The following NPIPB2 variants were observed in gnomAD, a reference collection of about 807,000 sequenced individuals.
NPIPB2 encodes nuclear pore complex interacting protein family member B2.
Under a neutral mutation model 30.8 loss-of-function variants are expected in NPIPB2, and 27 were observed. The observed-to-expected ratio is 0.88, with a 90% CI of 0.65 to 1.21. The LOEUF is 1.21. NPIPB2 is among the 50% of genes most tolerant of loss of function. NPIPB2 has a pLI of 0.00. For synonymous variants in NPIPB2, 147 were observed against 162.0 expected, an observed-to-expected ratio of 0.91 and a Z score of 0.70; for missense variants, 440 against 446.2, an observed-to-expected ratio of 0.99 and a Z score of 0.13.
At chr16:11,946,051 A>G (rs2055005183), upstream of NPIPB2, among the ~76,000 whole-genome samples, 1 of 151,604 alleles carries the variant, frequency 6.6e-6, no homozygotes, top group Non-Finnish European at 1.5e-5. Flanking sequence ...AGAAAAAAAG[A>G]AAGAATGAAA....
chr16:11,927,392 C>T (rs2150904346), exon 8 of NPIPB2: 3 of 931,536 alleles, frequency 3.2e-6, no homozygotes, highest in Middle Eastern at 2.1e-4. Flanking sequence ...AGTGCAATGG[C>T]CTGTTCTCAG....
intron 1 of NPIPB2, among the ~76,000 whole-genome samples, chr16:11,962,899 T>A (rs1210334117): frequency 6.6e-6 from 1 of 152,030 alleles, no homozygotes; most frequent in African/African-American, 2.4e-5. Flanking sequence ...AAATCCTGTC[T>A]GTACTAAAAA....
chr16:11,975,463 T>C (rs1204644863), intron 1 of NPIPB2, among the ~76,000 whole-genome samples: 1 of 151,996 alleles, frequency 6.6e-6, no homozygotes, highest in Non-Finnish European at 1.5e-5. Flanking sequence ...TCACCTTTTC[T>C]ATCTCCACTG....
chr16:11,975,728 C>T (rs1232868175), intron 1 of NPIPB2, among the ~76,000 whole-genome samples: 10 of 151,888 alleles, frequency 6.6e-5, no homozygotes, highest in African/African-American at 1.5e-4. Context: ...GTAGCTGGGA[C>T]TACAGGCGCA....
At chr16:11,951,619 TACACATACACACACACACACAC>T (rs1234329693) in intron 1 of NPIPB2, among the ~76,000 whole-genome samples, 23 of 115,914 alleles carry the variant, frequency 2.0e-4, no homozygotes, top group Admixed American at 1.4e-3. Flanking sequence ...ACACTGCACA[TACACATACACACACACACACAC>T]ACACACACAC....
chr16:11,941,252 C>T (rs2054935070), intron 1 of NPIPB2: 3 of 1,515,784 alleles, frequency 2.0e-6, no homozygotes, highest in Admixed American at 4.1e-5. Context: ...ATGTCCTGGT[C>T]CTTTCAGGGC....
chr16:11,945,508 C>G (rs1190815617), upstream of NPIPB2, among the ~76,000 whole-genome samples: 2 of 151,832 alleles, frequency 1.3e-5, no homozygotes, highest in Middle Eastern at 3.2e-3. Flanking sequence ...ACCCCCATCT[C>G]TACTAAAAAT....
chr16:11,965,383 C>T, intron 1 of NPIPB2: 2 of 1,614,158 alleles, frequency 1.2e-6, no homozygotes, highest in South Asian at 1.1e-5. Context: ...TTGTTGCATG[C>T]TTGCATACCT....
upstream of NPIPB2, among the ~76,000 whole-genome samples, chr16:11,946,308 C>T (rs1252006947): frequency 2.0e-5 from 3 of 150,636 alleles, no homozygotes; most frequent in Non-Finnish European, 4.4e-5. Flanking sequence ...TTGCTTGAAC[C>T]CGGGAGGTGG....
chr16:11,953,089 T>A (rs2055082036), intron 1 of NPIPB2, among the ~76,000 whole-genome samples: 1 of 152,114 alleles, frequency 6.6e-6, no homozygotes, highest in African/African-American at 2.4e-5. Context: ...TCCATCAAAT[T>A]TATTTAACCA....
intron 1 of NPIPB2, among the ~76,000 whole-genome samples, chr16:11,967,353 C>T (rs11570158): frequency 0.02 from 3,049 of 152,204 alleles, 42 homozygotes; most frequent in Non-Finnish European, 0.032. Context: ...GGTGTGGTGG[C>T]ATGGAGCTGT....
At chr16:11,955,102 C>T (rs967801548) in intron 1 of NPIPB2, among the ~76,000 whole-genome samples, 9 of 151,548 alleles carry the variant, frequency 5.9e-5, no homozygotes, top group East Asian at 3.9e-4. Context: ...AGGCTGGGCG[C>T]GGTGGCTCAC....
upstream of NPIPB2, among the ~76,000 whole-genome samples, chr16:11,944,529 G>C (rs1473056025): frequency 6.6e-6 from 1 of 151,390 alleles, no homozygotes; most frequent in Non-Finnish European, 1.5e-5. Context: ...TTGGGAGGCC[G>C]AGGCGGGTGG....
rs375427401 is a variant in NPIPB2 at position 11,971,427 on chromosome 16, G to A, written c.-584+5141C>T. On this transcript the variant is annotated intron_variant, in intron 1 of 5. Transcript: ENST00000538896. ...GTCCAGAAAGGCAGGCCAACTAGAAGCAGGTATGGGGGAGTGGGGTGGTGG... is the reference window on the plus strand; with the variant it reads ...GTCCAGAAAGGCAGGCCAACTAGAAACAGGTATGGGGGAGTGGGGTGGTGG... Among the ~76,000 whole-genome samples, 12 of 140,406 alleles carry A rather than the reference G, an allele frequency of 8.5e-5. No individual in the cohort carries two copies. The South Asian group carries it at 3.0e-3, about 35-fold the overall frequency. The allele number at this position is 140,406 out of a possible 152,430, so 92.1% of individuals were successfully genotyped here.
At chr16:11,975,029 C>T (rs1294411467) in intron 1 of NPIPB2, among the ~76,000 whole-genome samples, 1 of 150,714 alleles carries the variant, frequency 6.6e-6, no homozygotes, top group Admixed American at 6.6e-5. Flanking sequence ...GAGCCAAGAT[C>T]GCGCCACTGC....
chr16:11,955,588 G>A (rs1398578002), intron 1 of NPIPB2, among the ~76,000 whole-genome samples: 2 of 151,540 alleles, frequency 1.3e-5, no homozygotes, highest in South Asian at 2.1e-4. Flanking sequence ...ATGGTGGCAC[G>A]CCCCTTTATT....
chr16:11,946,385 C>CAAA (rs34318693), upstream of NPIPB2, among the ~76,000 whole-genome samples: 1 of 70,100 alleles, frequency 1.4e-5, no homozygotes, highest in Admixed American at 1.9e-4. Flanking sequence ...AACTCTATCT[C>CAAA]AAAAAAAAAA....
At chr16:11,955,729 A>AAAAGG in intron 1 of NPIPB2, among the ~76,000 whole-genome samples, 1 of 56,224 alleles carries the variant, frequency 1.8e-5, no homozygotes, top group East Asian at 5.6e-4. Context: ...TCAAAAAAAA[A>AAAAGG]AAAAGAAAAG....
At chr16:11,964,826 A>C (rs1031115266) in intron 1 of NPIPB2, among the ~76,000 whole-genome samples, 1 of 152,186 alleles carries the variant, frequency 6.6e-6, no homozygotes, top group Non-Finnish European at 1.5e-5. Flanking sequence ...TGACTCCCAA[A>C]GTCCTGGGAT....
Sources: allele counts gnomAD v4.1 joint callset (sites outside exome capture counted in the v4.1 genomes callset), GRCh38; gene constraint gnomAD v4.1.1; transcripts MANE v1.5; gene names NCBI Gene and HGNC (gene_info 2026-07-23, HGNC 2026-07-21).